CLSTN2: variants seen among roughly 807,000 people sequenced by gnomAD.
CLSTN2 encodes calsyntenin-2.
In CLSTN2, 48 loss-of-function variants were observed where a neutral mutation model predicts 101.2. The observed-to-expected ratio is 0.47, with a 90% CI of 0.38 to 0.60. The LOEUF (loss-of-function observed/expected upper bound fraction) is 0.60. Among genes scored for constraint, CLSTN2 ranks in the 20% least tolerant of loss-of-function variants. The probability of loss-of-function intolerance (pLI) is 0.00; values close to 1 mark genes in which losing one functional copy is unlikely to be tolerated. For missense variants in CLSTN2, 1,160 were observed against 1,238.2 expected, an observed-to-expected ratio of 0.94 and a Z score of 0.95; for synonymous variants, 481 against 463.6, an observed-to-expected ratio of 1.04 and a Z score of -0.48.
At chr3:140,060,337 G>A (rs1258405127) in intron 1 of CLSTN2, among the ~76,000 whole-genome samples, 1 of 152,124 alleles carries the variant, frequency 6.6e-6, no homozygotes, top group Admixed American at 6.5e-5. Context: ...GGGGGTCATG[G>A]GAAGAAGACT....
chr3:140,311,070 G>C (rs1238897885), intron 2 of CLSTN2, among the ~76,000 whole-genome samples: 1 of 152,134 alleles, frequency 6.6e-6, no homozygotes, highest in African/African-American at 2.4e-5. Context: ...CAACAGCAGA[G>C]AGAGAAAGGA....
chr3:140,264,068 A>G (rs368754291), intron 2 of CLSTN2, among the ~76,000 whole-genome samples: 2 of 152,240 alleles, frequency 1.3e-5, no homozygotes, highest in Admixed American at 6.5e-5. Flanking sequence ...TAAGGTACCC[A>G]ACAATGTGTT....
intron 1 of CLSTN2, among the ~76,000 whole-genome samples, chr3:140,070,377 T>G (rs2008370829): frequency 6.6e-6 from 1 of 152,266 alleles, no homozygotes; most frequent in Non-Finnish European, 1.5e-5. Flanking sequence ...GACCTCATTA[T>G]AAGCCTTGTA....
intron 2 of CLSTN2, among the ~76,000 whole-genome samples, chr3:140,192,596 A>T (rs1448565980): frequency 1.3e-5 from 2 of 151,484 alleles, no homozygotes. Flanking sequence ...AGTTTGCTTT[A>T]TCTGTTATTA....
chr3:140,365,561 G>C (rs2087777927), intron 2 of CLSTN2, among the ~76,000 whole-genome samples: 1 of 152,136 alleles, frequency 6.6e-6, no homozygotes, highest in Admixed American at 6.5e-5. Flanking sequence ...ACAGCCCAGG[G>C]AGGACAGCAA....
chr3:140,513,695 G>A (rs1934861846), intron 8 of CLSTN2, among the ~76,000 whole-genome samples: 1 of 147,838 alleles, frequency 6.8e-6, no homozygotes. Context: ...GTTTGGAATA[G>A]TTTCAGTAGG....
chr3:139,943,848 T>A (rs2107807587), intron 1 of CLSTN2, among the ~76,000 whole-genome samples: 1 of 152,274 alleles, frequency 6.6e-6, no homozygotes, highest in Admixed American at 6.5e-5. Context: ...ACTGGAGGTA[T>A]CTTCAGAGAA....
At chr3:139,946,689 C>T (rs1935220485) in intron 1 of CLSTN2, among the ~76,000 whole-genome samples, 3 of 152,178 alleles carry the variant, frequency 2.0e-5, no homozygotes, top group South Asian at 4.1e-4. Flanking sequence ...AAGGATCAGC[C>T]AGAAGAAGAC....
intron 8 of CLSTN2, among the ~76,000 whole-genome samples, chr3:140,468,675 C>T (rs1408475252): frequency 6.6e-6 from 1 of 152,226 alleles, no homozygotes; most frequent in Non-Finnish European, 1.5e-5. Flanking sequence ...CGCAAGGTCA[C>T]ACAGCAAACC....
intron 1 of CLSTN2, among the ~76,000 whole-genome samples, chr3:140,174,090 T>A (rs1247556366): frequency 6.6e-6 from 1 of 152,216 alleles, no homozygotes; most frequent in Non-Finnish European, 1.5e-5. Context: ...ACTTATCTGC[T>A]CTGTTTCCCT....
rs374586610 is a variant in CLSTN2 at position 139,956,451 on chromosome 3, G to A, written c.109+20968G>A. ...GTTGTCTTGTTAGTCACCCCCGCTG[G>A]GCTTGGGTCGATGGAGAACAGAGAA... On this transcript the variant is annotated intron_variant, in intron 1 of 16. Transcript: ENST00000458420. Among the ~76,000 whole-genome samples the A allele has an allele frequency of 2.0e-4, 31 of 152,216 alleles. No homozygotes were observed. In the East Asian group the frequency reaches 4.3e-3, roughly 21 times the overall value.
chr3:140,011,730 C>T (rs1560069039), intron 1 of CLSTN2, among the ~76,000 whole-genome samples: 1 of 152,034 alleles, frequency 6.6e-6, no homozygotes, highest in African/African-American at 2.4e-5. Context: ...GGCCCTTTTT[C>T]CTGGCTGCTG....
chr3:140,032,615 G>A (rs1004288802), intron 1 of CLSTN2, among the ~76,000 whole-genome samples: 1 of 152,118 alleles, frequency 6.6e-6, no homozygotes, highest in African/African-American at 2.4e-5. Context: ...GGGATAATGG[G>A]CGTGTACCAC....
chr3:140,372,322 T>C (rs2087867913), intron 2 of CLSTN2, among the ~76,000 whole-genome samples: 1 of 152,204 alleles, frequency 6.6e-6, no homozygotes, highest in Non-Finnish European at 1.5e-5. Context: ...TCTGCAGTTC[T>C]CCCAAGCATA....
intron 9 of CLSTN2, among the ~76,000 whole-genome samples, chr3:140,543,180 G>A (rs1935519056): frequency 6.6e-6 from 1 of 152,176 alleles, no homozygotes; most frequent in Non-Finnish European, 1.5e-5. Flanking sequence ...CACGGAGGAG[G>A]AGGCTGTGAA....
chr3:140,127,663 TC>T (rs146884290), intron 1 of CLSTN2, among the ~76,000 whole-genome samples: 1 of 152,228 alleles, frequency 6.6e-6, no homozygotes, highest in Non-Finnish European at 1.5e-5. Context: ...AAAAGTGACT[TC>T]CTGCCCTTTA....
chr3:140,084,694 G>A (rs2008651887), intron 1 of CLSTN2, among the ~76,000 whole-genome samples: 1 of 152,126 alleles, frequency 6.6e-6, no homozygotes, highest in African/African-American at 2.4e-5. Flanking sequence ...ACCTATTGCT[G>A]GACTTGAGCA....
At chr3:140,470,066 C>T (rs1480563308) in intron 8 of CLSTN2, among the ~76,000 whole-genome samples, 1 of 152,142 alleles carries the variant, frequency 6.6e-6, no homozygotes, top group Admixed American at 6.5e-5. Context: ...AGGACTCAAG[C>T]CAGTCTAATG....
At chr3:140,261,583 G>A (rs1012277388) in intron 2 of CLSTN2, among the ~76,000 whole-genome samples, 1 of 151,128 alleles carries the variant, frequency 6.6e-6, no homozygotes, top group Non-Finnish European at 1.5e-5. Context: ...ACCAAGAGCT[G>A]GGTGCTACGT....
Sources: allele counts gnomAD v4.1 joint callset (sites outside exome capture counted in the v4.1 genomes callset), GRCh38; gene constraint gnomAD v4.1.1; transcripts MANE v1.5; gene names NCBI Gene and HGNC (gene_info 2026-07-23, HGNC 2026-07-21).